The following PRMT9 variants were observed in gnomAD, a reference collection of about 807,000 sequenced individuals.
PRMT9 encodes the protein protein arginine methyltransferase 9.
A neutral mutation model predicts 83.2 loss-of-function variants in PRMT9; 59 were observed. The observed-to-expected ratio is 0.71, with a 90% CI of 0.57 to 0.88. The LOEUF (loss-of-function observed/expected upper bound fraction) is 0.88. Among genes scored for constraint, PRMT9 ranks in the 40% least tolerant of loss-of-function variants. The probability of loss-of-function intolerance (pLI) is 0.00; values close to 1 mark genes in which losing one functional copy is unlikely to be tolerated. For synonymous variants in PRMT9, 333 were observed against 353.2 expected (o/e 0.94, Z 0.64); for missense variants, 947 against 1,021.9 (o/e 0.93, Z 1.00).
intron 3 of PRMT9, 37 bp downstream of exon 3, chr4:147,673,601 T>C (rs1735872358): frequency 8.3e-7 from 1 of 1,202,174 alleles, no homozygotes; most frequent in Non-Finnish European, 1.2e-6. Context: ...TACATTAGAA[T>C]ACATGTATAT....
At chr4:147,654,832 G>A (rs1401831682) in intron 8 of PRMT9, among the ~76,000 whole-genome samples, 2 of 152,178 alleles carry the variant, frequency 1.3e-5, no homozygotes, top group African/African-American at 4.8e-5. Context: ...GTATGATAAT[G>A]TTTTTAATGC....
chr4:147,652,164 T>C (rs1199265758), intron 9 of PRMT9, among the ~76,000 whole-genome samples: 1 of 152,188 alleles, frequency 6.6e-6, no homozygotes, highest in Non-Finnish European at 1.5e-5. Flanking sequence ...AATACATCTT[T>C]GGTACTAATT....
chr4:147,638,693 A>G lies in PRMT9; in HGVS notation c.2377T>C (p.Tyr793His), dbSNP rs1367097310. The change falls in exon 12 of 12, where the codon TAC (tyrosine) becomes CAC (histidine). Residue 793 changes from tyrosine to histidine, a missense_variant. Physicochemically the swap from Tyr to His is moderately conservative, Grantham distance 83. Transcript: ENST00000322396. ...TCCAACCTAATCTCTTCATCAAGGT[A>G]CATATGATACCAAAATGGAATAGCA... is the stretch of plus-strand genomic sequence containing the variant. ...LTAIPFWYHM[Y>H]LDEEIRLDTS... The G allele has an allele frequency of 6.2e-7, 1 of 1,613,626 alleles. No individual in the cohort carries two copies. The highest frequency in any genetic ancestry group is 2.2e-5 in the East Asian group (1 of 44,854).
At position 147,650,850 on chromosome 4, in the gene PRMT9, C is replaced by T. The variant is rs1277315297; in HGVS notation, c.2045+3002G>A. The stretch of plus-strand genomic sequence containing the variant: ...GGGCACGGTGGCTCATGCCTGTAAT[C>T]CCAGCACTTTGGGAGGCCAAGGCGG... On this transcript the variant is annotated intron_variant, in intron 9 of 11. Transcript: ENST00000322396. 2.6e-5 allele frequency among the ~76,000 whole-genome samples: 4 copies of T among 152,216 alleles called. No homozygotes were observed. The South Asian group carries it at 6.2e-4, about 24-fold the overall frequency.
intron 6 of PRMT9, among the ~76,000 whole-genome samples, chr4:147,664,732 A>C (rs1007151175): frequency 1.3e-5 from 2 of 152,134 alleles, no homozygotes; most frequent in African/African-American, 2.4e-5. Flanking sequence ...GCGGCAAACC[A>C]CCATGGCACA....
chr4:147,674,301 G>A (rs1370305994), intron 2 of PRMT9, among the ~76,000 whole-genome samples: 3 of 152,100 alleles, frequency 2.0e-5, no homozygotes, highest in Non-Finnish European at 4.4e-5. Flanking sequence ...TGCCAGATCA[G>A]TTTATGTCAG....
chr4:147,654,417 C>A lies in PRMT9; in HGVS notation c.1480G>T (p.Gly494Ter). The change falls in exon 9 of 12, where the codon GGA (glycine) becomes TGA (stop). Residue 494 changes from glycine to a stop codon, truncating the protein, a stop_gained. Transcript: ENST00000322396. LOFTEE classifies it high-confidence loss of function. ...FTQNKDLLSL[G>*]NEAELCSALA... The stretch of plus-strand genomic sequence containing the variant: ...GCACTACAAAGTTCAGCCTCATTTC[C>A]TAACGATAACAAGTCTTTATTCTGG... The A allele has an allele frequency of 6.2e-7, 1 of 1,614,170 alleles. No homozygotes were observed. The highest frequency in any genetic ancestry group is 8.5e-7 in the Non-Finnish European group (1 of 1,180,026).
Position 147,672,963 on chromosome 4 carries a change from C to T in PRMT9, c.739G>A (p.Glu247Lys), listed in dbSNP as rs1415449649. The T allele has an allele frequency of 2.9e-5, 46 of 1,612,490 alleles. No homozygotes were observed. The highest frequency in any genetic ancestry group is 3.6e-5 in the Non-Finnish European group (43 of 1,178,864). ...AATTAGTTTACATGATAATACCTTTCGGGAATATGTTTTGGAATCTCTATG... is the reference window on the plus strand; with the variant it reads ...AATTAGTTTACATGATAATACCTTTTGGGAATATGTTTTGGAATCTCTATG... ...LDIEIPKHIP[E>K]RVSLVVTETV... Residue 247 changes from glutamate (E) to lysine (K), a missense_variant, in exon 4 of 12, where the codon GAA becomes AAA. Physicochemically the swap from Glu to Lys is moderately conservative, Grantham distance 56. Transcript: ENST00000322396.
chr4:147,655,500 G>GC (rs1734424471), intron 8 of PRMT9, among the ~76,000 whole-genome samples: 1 of 151,982 alleles, frequency 6.6e-6, no homozygotes, highest in Admixed American at 6.6e-5. Context: ...ATGTATAATC[G>GC]CAATTCCTTC....
intron 10 of PRMT9, among the ~76,000 whole-genome samples, chr4:147,640,485 A>G (rs1733322549): frequency 6.6e-6 from 1 of 151,922 alleles, no homozygotes; most frequent in Non-Finnish European, 1.5e-5. Flanking sequence ...CCCCCAAGCT[A>G]TTTCATCCAG....
chr4:147,674,337 T>C (rs1331003974), intron 2 of PRMT9, among the ~76,000 whole-genome samples: 1 of 152,196 alleles, frequency 6.6e-6, no homozygotes, highest in East Asian at 1.9e-4. Flanking sequence ...TAATTACGTA[T>C]TTTAACTAAA....
intron 8 of PRMT9, among the ~76,000 whole-genome samples, chr4:147,657,515 C>T (rs555477674): frequency 6.7e-6 from 1 of 150,130 alleles, no homozygotes; most frequent in East Asian, 2.0e-4. Flanking sequence ...AAGAGCGAGA[C>T]TCTGTCGTTA....
chr4:147,640,632 T>C (rs1341320102), intron 10 of PRMT9, among the ~76,000 whole-genome samples: 1 of 152,128 alleles, frequency 6.6e-6, no homozygotes, highest in East Asian at 1.9e-4. Context: ...TTCCCCATTA[T>C]CAGTATGGAA....
At chr4:147,660,711 C>A in intron 7 of PRMT9, 135 bp downstream of exon 7, 1 of 628,624 alleles carries the variant, frequency 1.6e-6, no homozygotes, top group South Asian at 2.1e-5. Flanking sequence ...TCTAATTACC[C>A]TTTAATCATT....
rs747526289 is a variant in PRMT9 at position 147,654,324 on chromosome 4, T to C, written c.1573A>G (p.Ile525Val). The change falls in exon 9 of 12, where the codon ATT becomes GTT. Residue 525 changes from isoleucine to valine, a missense_variant. Ile to Val is a conservative substitution (Grantham distance 29). Transcript: ENST00000322396. ...EQTCILESTE[I>V]ALLNNIPYHE... ...TATGGGATGTTGTTAAGCAAAGCAA[T>C]TTCTGTAGATTCCAATATACATGTC... is the stretch of plus-strand genomic sequence containing the variant. The C allele has an allele frequency of 1.2e-6, 2 of 1,614,190 alleles. No individual in the cohort carries two copies. Among genetic ancestry groups the C allele is most frequent in the South Asian group, 1.1e-5 (1 of 91,082 alleles).
At chr4:147,639,183 G>T in intron 10 of PRMT9, 101 bp from the exon 11 acceptor site, 1 of 1,199,602 alleles carries the variant, frequency 8.3e-7, no homozygotes. Context: ...GGATTGCTTT[G>T]TACTTGACTC....
Position 147,644,770 on chromosome 4 carries a change from T to C in PRMT9, c.2046-1830A>G, listed in dbSNP as rs573940170. ...TCAAGGCAGCTTCCACACCTACCTA[T>C]GTAATCTTGTTTCCTCACACCTGAG... On this transcript the variant is annotated intron_variant, in intron 9 of 11. Transcript: ENST00000322396. Among the ~76,000 whole-genome samples the C allele has an allele frequency of 8.5e-4, 129 of 152,266 alleles. 1 individual carries two copies. Among genetic ancestry groups the C allele is most frequent in the African/African-American group, 3.0e-3 (123 of 41,548 alleles).
chr4:147,651,257 T>C (rs1230117131), intron 9 of PRMT9, among the ~76,000 whole-genome samples: 2 of 152,096 alleles, frequency 1.3e-5, no homozygotes, highest in Admixed American at 6.5e-5. Context: ...CAACTGAATA[T>C]AAGACCTTAA....
At chr4:147,682,081 C>T (rs562297491) in intron 1 of PRMT9, among the ~76,000 whole-genome samples, 1 of 152,356 alleles carries the variant, frequency 6.6e-6, no homozygotes, top group Non-Finnish European at 1.5e-5. Flanking sequence ...TCTGGACTTA[C>T]TGCAACCTCC....
Sources: gnomAD v4.1 joint callset for allele counts (sites outside exome capture counted in the v4.1 genomes callset) on GRCh38, gnomAD v4.1.1 for gene constraint, MANE v1.5 for transcripts, NCBI Gene and HGNC (gene_info 2026-07-23, HGNC 2026-07-21) for gene names.